Variants in CENPP observed in about 807,000 individuals in gnomAD.
CENPP encodes centromere protein P.
CENPP carries 24 observed loss-of-function variants against 35.6 expected under a neutral mutation model. That is an observed-to-expected ratio of 0.67 (90% confidence interval 0.49 to 0.95). The LOEUF is 0.95. CENPP is among the 40% of genes least tolerant of loss of function. The pLI is 0.00. For synonymous variants in CENPP, 120 were observed against 125.5 expected, an observed-to-expected ratio of 0.96 and a Z score of 0.29; for missense variants, 332 against 345.3, an observed-to-expected ratio of 0.96 and a Z score of 0.31.
At chr9:92,612,859 C>G (rs1236802044) in intron 7 of CENPP, among the ~76,000 whole-genome samples, 160 bp from the exon 8 acceptor site, 2 of 152,144 alleles carry the variant, frequency 1.3e-5, no homozygotes, top group Non-Finnish European at 2.9e-5. Flanking sequence ...TAGGTGAGGC[C>G]TCCACTCACT....
chr9:92,524,275 CTCTT>C (rs1848257154), intron 5 of CENPP, among the ~76,000 whole-genome samples: 1 of 152,134 alleles, frequency 6.6e-6, no homozygotes, highest in Admixed American at 6.6e-5. Context: ...GGAAGAGTAA[CTCTT>C]TAATTAGCTG....
At chr9:92,330,646 T>G (rs1414250721) in intron 1 of CENPP, among the ~76,000 whole-genome samples, 1 of 151,814 alleles carries the variant, frequency 6.6e-6, no homozygotes, top group Non-Finnish European at 1.5e-5. Flanking sequence ...TAGCTAAAAT[T>G]TCTTTTTTTA....
intron 5 of CENPP, among the ~76,000 whole-genome samples, chr9:92,567,397 G>GATATATATATATATATATATATATAGAT (rs762810461): frequency 3.9e-5 from 2 of 51,584 alleles, no homozygotes. Flanking sequence ...TATATATATA[G>GATATATATATATATATATATATATAGAT]ATATATATAT....
chr9:92,569,410 T>C (rs1336477704), intron 5 of CENPP, among the ~76,000 whole-genome samples: 3 of 152,216 alleles, frequency 2.0e-5, no homozygotes, highest in Non-Finnish European at 4.4e-5. Flanking sequence ...GTATTCTTTC[T>C]GAGGGCTCTG....
At chr9:92,563,081 C>T (rs972574959) in intron 5 of CENPP, among the ~76,000 whole-genome samples, 1 of 152,124 alleles carries the variant, frequency 6.6e-6, no homozygotes, top group African/African-American at 2.4e-5. Context: ...GTGAATGGGG[C>T]TTTCAAACTG....
At chr9:92,483,710 G>A (rs896219054) in intron 5 of CENPP, among the ~76,000 whole-genome samples, 8 of 152,210 alleles carry the variant, frequency 5.3e-5, no homozygotes, top group Non-Finnish European at 1.2e-4. Flanking sequence ...CAGAGAAATG[G>A]CACACATTGT....
At chr9:92,543,050 G>T (rs902903869) in intron 5 of CENPP, among the ~76,000 whole-genome samples, 33 of 151,990 alleles carry the variant, frequency 2.2e-4, no homozygotes, top group Non-Finnish European at 4.4e-4. Context: ...TTATTTCTTG[G>T]CTCTCTATTC....
intron 5 of CENPP, chr9:92,466,293 TA>T: frequency 9.4e-7 from 1 of 1,067,590 alleles, no homozygotes; most frequent in Non-Finnish European, 1.4e-6. Flanking sequence ...ATAGTGACGA[TA>T]AAGTGTTCTA....
chr9:92,427,637 T>C (rs1386987301), intron 5 of CENPP, among the ~76,000 whole-genome samples: 4 of 151,844 alleles, frequency 2.6e-5, no homozygotes, highest in Non-Finnish European at 4.4e-5. Context: ...TGTGCCACCA[T>C]GTCTGGCTAA....
rs903425111 is a variant in CENPP at position 92,416,863 on chromosome 9, A to C, written c.564+37004A>C. The C allele has an allele frequency of 3.1e-6, 5 of 1,613,872 alleles. No homozygotes were observed. In the African/African-American group the frequency reaches 6.7e-5, roughly 22 times the overall value. ...CTAAAGACAGATACATAAGTGAAGA[A>C]GGCAAACCAGGAGGCATTGATTCTA... On this transcript the variant is annotated intron_variant, in intron 5 of 7. Coordinates refer to ENST00000375587, the MANE Select transcript of CENPP (RefSeq NM_001012267.3).
At position 92,525,837 on chromosome 9, in the gene CENPP, T is replaced by C. The variant is rs546133860; in HGVS notation, c.565-85477T>C. Among the ~76,000 whole-genome samples, 152 of 134,164 alleles carry C rather than the reference T, an allele frequency of 1.1e-3. 1 individual carries two copies. Among genetic ancestry groups the C allele is most frequent in the African/African-American group, 4.2e-3 (145 of 34,588 alleles). The allele number at this position is 134,164 out of a possible 152,430, so 88.0% of individuals were successfully genotyped here. A position where few individuals can be genotyped will look rare whatever the true frequency, so the allele number is the denominator to read the frequency against. On this transcript the variant is annotated intron_variant, in intron 5 of 7. Coordinates refer to ENST00000375587, the MANE Select transcript of CENPP (RefSeq NM_001012267.3). Reference sequence around the variant, plus strand: ...CCCGGGAGGCGGAGGTTGCACTGAGTAGCTAGGACTACAGGTATGCACCAC... The same window carrying C: ...CCCGGGAGGCGGAGGTTGCACTGAGCAGCTAGGACTACAGGTATGCACCAC...
chr9:92,363,234 T>TAC (rs34936128), intron 4 of CENPP, among the ~76,000 whole-genome samples: 5,840 of 150,940 alleles, frequency 0.039, 143 homozygotes, highest in Middle Eastern at 0.075. Context: ...TATACATATA[T>TAC]ACACACACAC....
intron 5 of CENPP, among the ~76,000 whole-genome samples, chr9:92,391,669 G>GA: frequency 6.6e-6 from 1 of 152,056 alleles, no homozygotes; most frequent in East Asian, 1.9e-4. Context: ...ACAAAAATGT[G>GA]AAAAACATGT....
chr9:92,410,129 G>C (rs887814409), intron 5 of CENPP, among the ~76,000 whole-genome samples: 2 of 151,976 alleles, frequency 1.3e-5, no homozygotes, highest in African/African-American at 4.8e-5. Context: ...GTAGAGACAG[G>C]GTTTCACCAT....
intron 5 of CENPP, among the ~76,000 whole-genome samples, chr9:92,405,000 A>T (rs1843267076): frequency 1.3e-5 from 2 of 152,284 alleles, no homozygotes; most frequent in East Asian, 1.9e-4. Flanking sequence ...ATTAATATAT[A>T]GCCAGTGTAA....
chr9:92,494,961 C>T (rs1846282112), intron 5 of CENPP, among the ~76,000 whole-genome samples: 1 of 152,130 alleles, frequency 6.6e-6, no homozygotes, highest in South Asian at 2.1e-4. Context: ...ACTCATGAAA[C>T]TGAAAGTCAC....
intron 4 of CENPP, among the ~76,000 whole-genome samples, chr9:92,375,827 A>G (rs1369507335): frequency 6.7e-6 from 1 of 148,990 alleles, no homozygotes; most frequent in Non-Finnish European, 1.5e-5. Flanking sequence ...TCCCCTAGTC[A>G]TTCAACAGGA....
chr9:92,475,050 A>C (rs1488493343), intron 5 of CENPP: 1 of 1,057,392 alleles, frequency 9.5e-7, no homozygotes, highest in Non-Finnish European at 1.3e-6. Flanking sequence ...CTGAGAGTAA[A>C]TTTATAAAGA....
chr9:92,435,550 A>G (rs1453923874), intron 5 of CENPP, among the ~76,000 whole-genome samples: 3 of 152,168 alleles, frequency 2.0e-5, no homozygotes, highest in Admixed American at 6.5e-5. Context: ...TTGCCCTTTT[A>G]TAGGTACATA....
Sources: gnomAD v4.1 joint callset for allele counts (sites outside exome capture counted in the v4.1 genomes callset) on GRCh38, gnomAD v4.1.1 for gene constraint, MANE v1.5 for transcripts, NCBI Gene and HGNC (gene_info 2026-07-23, HGNC 2026-07-21) for gene names.